The following E2F4 variants were observed in gnomAD, a reference collection of about 807,000 sequenced individuals.
E2F4 encodes E2F transcription factor 4.
E2F4 carries 16 observed loss-of-function variants against 44.5 expected under a neutral mutation model. That is an observed-to-expected ratio of 0.36 (90% CI 0.24 to 0.55). E2F4 has a LOEUF of 0.55. Among genes scored for constraint, E2F4 ranks in the 20% least tolerant of loss-of-function variants. The probability of loss-of-function intolerance (pLI) is 0.87; values close to 1 mark genes in which losing one functional copy is unlikely to be tolerated. For missense variants in E2F4, 473 were observed against 522.1 expected (o/e 0.91, Z 0.92); for synonymous variants, 242 against 207.2 (o/e 1.17, Z -1.44).
At position 67,197,870 on chromosome 16, in the gene E2F4, G is replaced by T; in HGVS notation, c.1085G>T (p.Cys362Phe). ...ACTGAGCTCCCTCCATTCCCAGAGT[G>T]CATGAGCTCGGAGCTGCTGGAGGAG... The part of the protein sequence containing the change: ...LSEIFDPTRE[C>F]MSSELLEELM... The change falls in exon 9 of 10, where the codon TGC (cysteine) becomes TTC (phenylalanine). Residue 362 changes from cysteine (C) to phenylalanine (F), a missense_variant. This residue lies in a region of E2F4 where 314 missense variants were observed against 315.6 expected (regional missense o/e 0.99). Coordinates refer to ENST00000379378, the MANE Select transcript of E2F4 (RefSeq NM_001950.4). The T allele has an allele frequency of 6.2e-7, 1 of 1,614,118 alleles. No homozygotes were observed. Among genetic ancestry groups the T allele is most frequent in the South Asian group, 1.1e-5 (1 of 91,080 alleles).
intron 1 of E2F4, 183 bp from the exon 2 acceptor site, chr16:67,192,578 G>A (rs1223550282): frequency 9.6e-6 from 9 of 938,510 alleles, no homozygotes; most frequent in Non-Finnish European, 1.4e-5. Flanking sequence ...TCGTCCTCGT[G>A]GCCCTTCCTG....
chr16:67,197,964 T>C (rs376285216), intron 9 of E2F4, 44 bp from the exon 10 acceptor site: 19 of 1,613,460 alleles, frequency 1.2e-5, no homozygotes, highest in Non-Finnish European at 1.4e-5. Context: ...GGGCTGCTGC[T>C]AGGGGAGCCC....
rs369795541 is a variant in E2F4, at chr16:67,195,018, G to A, written c.808+38G>A. The stretch of plus-strand genomic sequence containing the variant: ...GGGAGCTTGTGACAGAGGCCCAAGA[G>A]GTAGTATCTCTGTGTTGTGGAACAC... On this transcript the variant is annotated intron_variant, in intron 6 of 9. Transcript: ENST00000379378. 2.5e-6 allele frequency: 4 copies of A among 1,592,984 alleles called. No homozygotes were observed. The African/African-American group carries it at 4.0e-5, about 16-fold the overall frequency.
intron 4 of E2F4, 60 bp from the exon 5 acceptor site, chr16:67,194,338 C>T (rs1009676626): frequency 3.2e-6 from 5 of 1,587,198 alleles, no homozygotes; most frequent in Admixed American, 1.7e-5. Context: ...AAGGCAGGCA[C>T]CTCTGTTCCC....
rs780649262 is a variant in E2F4, at chr16:67,194,435, C to G, written c.489C>G (p.Thr163=). The G allele has an allele frequency of 6.2e-7, 1 of 1,614,090 alleles. No individual in the cohort carries two copies. Among genetic ancestry groups the G allele is most frequent in the East Asian group, 2.2e-5 (1 of 44,878 alleles). The change falls in exon 5 of 10, where the codon ACC becomes ACG. Residue 163 remains threonine (T), a synonymous_variant. Transcript: ENST00000379378. ...TLLAIRAPSG[T]SLEVPIPEGL... ...TGGCCATCCGGGCCCCATCAGGCAC[C>G]AGCCTGGAGGTGCCCATCCCAGAGG...
intron 7 of E2F4, among the ~76,000 whole-genome samples, chr16:67,196,627 C>T (rs1432483681): frequency 3.9e-5 from 6 of 152,158 alleles, no homozygotes; most frequent in South Asian, 4.1e-4. Context: ...TCTGGGTGAA[C>T]GAATCCCCAG....
At chr16:67,193,330 G>C in intron 3 of E2F4, 142 bp from the exon 4 acceptor site, 1 of 1,489,064 alleles carries the variant, frequency 6.7e-7, no homozygotes, top group Non-Finnish European at 9.3e-7. Flanking sequence ...CTCTTAGCCT[G>C]TGATCCCTCC....
intron 3 of E2F4, 117 bp from the exon 4 acceptor site, chr16:67,193,355 G>C (rs962115632): frequency 2.1e-5 from 32 of 1,506,254 alleles, no homozygotes; most frequent in Non-Finnish European, 1.9e-5. Flanking sequence ...GTGGACCTGA[G>C]TCCCCAGAAC....
intron 1 of E2F4, 178 bp from the exon 2 acceptor site, chr16:67,192,583 T>A: frequency 1.0e-6 from 1 of 953,870 alleles, no homozygotes; most frequent in Non-Finnish European, 1.5e-6. Context: ...CTCGTGGCCC[T>A]TCCTGGCTGG....
chr16:67,193,863 G>T (rs2032926782), intron 4 of E2F4: 2 of 347,270 alleles, frequency 5.8e-6, no homozygotes, highest in South Asian at 1.0e-4. Flanking sequence ...GGGCATGGGG[G>T]TGCCCACTTC....
chr16:67,192,977 C>A, intron 2 of E2F4, 32 bp from the exon 3 acceptor site: 1 of 1,560,732 alleles, frequency 6.4e-7, no homozygotes, highest in Non-Finnish European at 8.7e-7. Flanking sequence ...GAGTTCTCAG[C>A]AGTCCCTCTC....
At chr16:67,196,995 C>T (rs1250713269) in intron 7 of E2F4, among the ~76,000 whole-genome samples, 1 of 152,204 alleles carries the variant, frequency 6.6e-6, no homozygotes, top group African/African-American at 2.4e-5. Context: ...CCCTGACTGA[C>T]AGACTAATCT....
At chr16:67,193,222 T>A in intron 3 of E2F4, 52 bp downstream of exon 3, 2 of 1,540,446 alleles carry the variant, frequency 1.3e-6, no homozygotes, top group South Asian at 2.4e-5. Context: ...GCCCTCTGGT[T>A]CAACTTGCCC....
In E2F4 at chr16:67,197,579, A is replaced by G; in HGVS notation, c.1034-20A>G. On this transcript the variant is annotated intron_variant, in intron 7 of 9. Transcript: ENST00000379378. ...CAGGCTGGACCTCTGTGCCCTGAGCATGGCTTTCTTGTTTTTCAGTTTTGG... is the reference window on the plus strand; with the variant it reads ...CAGGCTGGACCTCTGTGCCCTGAGCGTGGCTTTCTTGTTTTTCAGTTTTGG... 1 of 1,613,998 alleles carries G rather than the reference A, an allele frequency of 6.2e-7. No homozygotes were observed. The highest frequency in any genetic ancestry group is 1.1e-5 in the South Asian group (1 of 91,062).
At position 67,198,158 on chromosome 16, in the gene E2F4, GAC is replaced by G; in HGVS notation, c.*36_*37del. ...ACATGCCCTGTGTGGCTGGGACCCA[GAC>G]TGTCTGACCTGGGGGTTGCCTGGGG... On this transcript the variant is annotated 3_prime_UTR_variant, in exon 10 of 10. Coordinates refer to ENST00000379378, the MANE Select transcript of E2F4 (RefSeq NM_001950.4). 6.3e-7 allele frequency: 1 copy of G among 1,596,890 alleles called. No individual in the cohort carries two copies. Among genetic ancestry groups the G allele is most frequent in the Non-Finnish European group, 8.6e-7 (1 of 1,166,570 alleles).
intron 7 of E2F4, among the ~76,000 whole-genome samples, chr16:67,196,355 T>C (rs1345570743): frequency 1.3e-5 from 2 of 152,204 alleles, no homozygotes; most frequent in Non-Finnish European, 2.9e-5. Context: ...CCTTTCAGGT[T>C]GCAGCAGTCA....
chr16:67,193,923 T>TTA (rs2032927647), intron 4 of E2F4: 1 of 250,998 alleles, frequency 4.0e-6, no homozygotes, highest in African/African-American at 2.3e-5. Context: ...TTCCTTTTTT[T>TTA]TTCTTTTTAA....
chr16:67,192,198 C>G lies in E2F4; in HGVS notation c.-30C>G, dbSNP rs1348713086. On this transcript the variant is annotated 5_prime_UTR_variant, in exon 1 of 10. Coordinates refer to ENST00000379378, the MANE Select transcript of E2F4 (RefSeq NM_001950.4). ...GGCGGCGGCGCCGGCCTGGCCTGGC[C>G]TGGCTGAGGGGAGGCGGCGGGCGGG... The G allele has an allele frequency of 3.5e-6, 4 of 1,140,228 alleles. No homozygotes were observed. In the African/African-American group the frequency reaches 5.0e-5, roughly 14 times the overall value. The allele number at this position is 1,140,228 out of a possible 1,614,324, so 70.6% of individuals were successfully genotyped here.
At chr16:67,197,174 T>C (rs1288242673) in intron 7 of E2F4, among the ~76,000 whole-genome samples, 1 of 152,208 alleles carries the variant, frequency 6.6e-6, no homozygotes, top group Non-Finnish European at 1.5e-5. Context: ...TGTGTCCTCC[T>C]GGCCAGAGGT....
Sources: gnomAD v4.1 joint callset for allele counts (sites outside exome capture counted in the v4.1 genomes callset) on GRCh38, gnomAD v4.1.1 for gene constraint, gnomAD v4.1.1 regional missense constraint, MANE v1.5 for transcripts, NCBI Gene and HGNC (gene_info 2026-07-23, HGNC 2026-07-21) for gene names.